LRRC69: variants seen among roughly 807,000 people sequenced by gnomAD.
The protein encoded by LRRC69 is leucine-rich repeat-containing protein 69.
A neutral mutation model predicts 37.8 loss-of-function variants in LRRC69; 42 were observed. That is an observed-to-expected ratio of 1.11 (90% CI 0.87 to 1.44). LRRC69 has a LOEUF of 1.44. LRRC69 is among the 40% of genes most tolerant of loss of function. The pLI is 0.00. For synonymous variants in LRRC69, 141 were observed against 143.1 expected, an observed-to-expected ratio of 0.99 and a Z score of 0.11; for missense variants, 357 against 401.9, an observed-to-expected ratio of 0.89 and a Z score of 0.96.
chr8:91,209,288 A>G (rs1444846442), intron 7 of LRRC69, among the ~76,000 whole-genome samples: 3 of 151,936 alleles, frequency 2.0e-5, no homozygotes, highest in Non-Finnish European at 4.4e-5. Context: ...AATTAGCCAG[A>G]CATGGTGGTG....
intron 7 of LRRC69, among the ~76,000 whole-genome samples, chr8:91,216,277 C>A (rs1245438715): frequency 6.6e-6 from 1 of 152,102 alleles, no homozygotes; most frequent in Non-Finnish European, 1.5e-5. Context: ...TGCATTCCTG[C>A]TTGCAATAAG....
intron 7 of LRRC69, among the ~76,000 whole-genome samples, chr8:91,202,584 A>G (rs1468724093): frequency 4.6e-5 from 7 of 152,206 alleles, no homozygotes; most frequent in Non-Finnish European, 2.9e-5. Flanking sequence ...AAACTGTTCC[A>G]GTAGGAACAG....
chr8:91,134,540 C>T (rs1813871406), intron 4 of LRRC69, among the ~76,000 whole-genome samples: 1 of 151,616 alleles, frequency 6.6e-6, no homozygotes, highest in Non-Finnish European at 1.5e-5. Flanking sequence ...CAACAGTGAA[C>T]ATGTATCTTT....
At chr8:91,140,210 C>A (rs1230487618) in intron 5 of LRRC69, among the ~76,000 whole-genome samples, 1 of 151,686 alleles carries the variant, frequency 6.6e-6, no homozygotes, top group African/African-American at 2.4e-5. Flanking sequence ...TTGATCTGAT[C>A]TATCTATCAT....
intron 4 of LRRC69, among the ~76,000 whole-genome samples, 175 bp from the exon 5 acceptor site, chr8:91,135,493 T>A (rs1023708213): frequency 6.6e-6 from 1 of 152,004 alleles, no homozygotes; most frequent in Non-Finnish European, 1.5e-5. Flanking sequence ...TTCAAAGAGC[T>A]GGCAGTCCAG....
chr8:91,115,050 G>A (rs1813484219), intron 1 of LRRC69, among the ~76,000 whole-genome samples: 1 of 151,970 alleles, frequency 6.6e-6, no homozygotes, highest in South Asian at 2.1e-4. Flanking sequence ...GGGAGAGGGA[G>A]ATAAGGGGAG....
chr8:91,183,415 GA>G (rs1157178858), intron 5 of LRRC69, among the ~76,000 whole-genome samples: 2 of 152,146 alleles, frequency 1.3e-5, no homozygotes, highest in African/African-American at 4.8e-5. Flanking sequence ...AGGTAAATTT[GA>G]AAATGGTGAT....
chr8:91,172,937 T>C (rs539563087), intron 5 of LRRC69, among the ~76,000 whole-genome samples: 2 of 152,082 alleles, frequency 1.3e-5, no homozygotes, highest in African/African-American at 2.4e-5. Context: ...GAAAGACTTA[T>C]GACTGTTTTT....
At chr8:91,203,459 C>G (rs1809744270) in intron 7 of LRRC69, among the ~76,000 whole-genome samples, 2 of 151,006 alleles carry the variant, frequency 1.3e-5, no homozygotes, top group Admixed American at 1.3e-4. Context: ...TGGTGGTGAT[C>G]TTGGTTCACT....
At chr8:91,192,924 G>C (rs1809526531) in intron 6 of LRRC69, among the ~76,000 whole-genome samples, 1 of 152,132 alleles carries the variant, frequency 6.6e-6, no homozygotes, top group African/African-American at 2.4e-5. Flanking sequence ...CCTTGCCCAA[G>C]CCTATGTCCT....
intron 6 of LRRC69, among the ~76,000 whole-genome samples, chr8:91,192,423 T>C (rs1319479270): frequency 6.6e-6 from 1 of 151,926 alleles, no homozygotes; most frequent in East Asian, 1.9e-4. Context: ...ATCGCCACAC[T>C]GACTTCCACA....
intron 6 of LRRC69, 126 bp downstream of exon 6, chr8:91,189,749 T>C: frequency 1.8e-6 from 1 of 549,998 alleles, no homozygotes; most frequent in Admixed American, 3.2e-5. Context: ...CCATTGGCAA[T>C]GTGGATCCTA....
chr8:91,116,317 CATTTTTATAAAGAAAT>C (rs1202053272), intron 1 of LRRC69, among the ~76,000 whole-genome samples: 1 of 151,912 alleles, frequency 6.6e-6, no homozygotes, highest in Non-Finnish European at 1.5e-5. Context: ...CTAGTATCCC[CATTTTTATAAAGAAAT>C]AGAGGCTTAG....
chr8:91,150,598 A>G lies in LRRC69; in HGVS notation c.651+14859A>G, dbSNP rs544778124. Among the ~76,000 whole-genome samples, 114 of 152,192 alleles carry G rather than the reference A, an allele frequency of 7.5e-4. 1 individual carries two copies. The highest frequency in any genetic ancestry group is 1.3e-3 in the Non-Finnish European group (88 of 68,016). On this transcript the variant is annotated intron_variant, in intron 5 of 7. Coordinates refer to ENST00000448384, the Ensembl canonical transcript of LRRC69. The stretch of plus-strand genomic sequence containing the variant: ...TTGGTATCAGGATAATGCTGGCCTC[A>G]TAAAATGAGTTAGGGAGGATTCTCT...
intron 1 of LRRC69, among the ~76,000 whole-genome samples, chr8:91,114,435 G>A (rs1186439122): frequency 1.7e-5 from 2 of 117,282 alleles, no homozygotes; most frequent in Non-Finnish European, 3.5e-5. Context: ...TAAAGAAAAT[G>A]TTTGTGTATG....
At chr8:91,183,317 TGAAGTC>T (rs1183975733) in intron 5 of LRRC69, among the ~76,000 whole-genome samples, 2 of 152,178 alleles carry the variant, frequency 1.3e-5, no homozygotes, top group Non-Finnish European at 2.9e-5. Flanking sequence ...AGACTTTTGC[TGAAGTC>T]GAATAAGAAA....
rs537622686 is a variant in LRRC69 at position 91,153,543 on chromosome 8, A to C, written c.651+17804A>C. On this transcript the variant is annotated intron_variant, in intron 5 of 7. Transcript: ENST00000448384. ...CAGACCGCTGTGCAATCAAATTAGA[A>C]CTCAAGATTAAGAAACTTACTCAAA... is the stretch of plus-strand genomic sequence containing the variant. Among the ~76,000 whole-genome samples, 25 of 152,096 alleles carry C rather than the reference A, an allele frequency of 1.6e-4. 4 individuals are homozygous for C. Among genetic ancestry groups the C allele is most frequent in the African/African-American group, 5.5e-4 (23 of 41,568 alleles).
At position 91,182,474 on chromosome 8, in the gene LRRC69, C is replaced by T. The variant is rs181344461; in HGVS notation, c.652-7048C>T. Among the ~76,000 whole-genome samples, 17 of 152,262 alleles carry T rather than the reference C, an allele frequency of 1.1e-4. No individual in the cohort carries two copies. The East Asian group carries it at 2.1e-3, about 19-fold the overall frequency. On this transcript the variant is annotated intron_variant, in intron 5 of 7. Transcript: ENST00000448384. ...TATTAATGGTTGAAACTGTTGACTA[C>T]GTACTGTGATAATAACAGGTAATAC...
chr8:91,172,704 A>G (rs1445560487), intron 5 of LRRC69, among the ~76,000 whole-genome samples: 1 of 151,836 alleles, frequency 6.6e-6, no homozygotes, highest in Non-Finnish European at 1.5e-5. Flanking sequence ...TAGTAGAGAC[A>G]GCGTTTCTCC....
Sources: gnomAD v4.1 joint callset for allele counts (sites outside exome capture counted in the v4.1 genomes callset) on GRCh38, gnomAD v4.1.1 for gene constraint, MANE v1.5 for transcripts, NCBI Gene and HGNC (gene_info 2026-07-23, HGNC 2026-07-21) for gene names.